GNAQ: variants seen among roughly 807,000 people sequenced by gnomAD.
GNAQ encodes the protein guanine nucleotide-binding protein G(q) subunit alpha.
A neutral mutation model predicts 43.9 loss-of-function variants in GNAQ; 8 were observed. That is an observed-to-expected ratio of 0.18 (90% CI 0.11 to 0.33). The LOEUF is 0.33. GNAQ is among the 10% of genes least tolerant of loss of function. The pLI is 1.00. For synonymous variants in GNAQ, 155 were observed against 170.7 expected (o/e 0.91, Z 0.71); for missense variants, 158 against 450.8 (o/e 0.35, Z 5.88).
chr9:77,785,670 A>T (rs1826465437), intron 5 of GNAQ, among the ~76,000 whole-genome samples: 1 of 152,254 alleles, frequency 6.6e-6, no homozygotes, highest in Non-Finnish European at 1.5e-5. Context: ...TAAAAACAAT[A>T]ACAATACTGT....
At chr9:77,873,206 A>G (rs920896275) in intron 2 of GNAQ, among the ~76,000 whole-genome samples, 7 of 152,248 alleles carry the variant, frequency 4.6e-5, no homozygotes, top group Admixed American at 6.5e-5. Context: ...TACTAGCACA[A>G]TGAAATATCT....
chr9:77,907,013 C>T (rs183162094), intron 2 of GNAQ, among the ~76,000 whole-genome samples: 1 of 152,072 alleles, frequency 6.6e-6, no homozygotes, highest in East Asian at 1.9e-4. Context: ...TTACAATGAA[C>T]ATATTTATCT....
intron 5 of GNAQ, among the ~76,000 whole-genome samples, chr9:77,748,667 T>C (rs1825767094): frequency 6.6e-6 from 1 of 152,228 alleles, no homozygotes; most frequent in Admixed American, 6.5e-5. Context: ...AACCCTTCTT[T>C]GCTGAATTTT....
At chr9:77,912,803 T>C (rs1056345535) in intron 2 of GNAQ, among the ~76,000 whole-genome samples, 1 of 152,094 alleles carries the variant, frequency 6.6e-6, no homozygotes, top group Non-Finnish European at 1.5e-5. Flanking sequence ...ATCAAAGAAA[T>C]GCAAATTCAA....
rs1404583821 is a variant in GNAQ at position 78,031,560 on chromosome 9, G to A, written c.-325C>T. ...CTCAGACGCCCGCGCCTCCTTCCCC[G>A]GGAACAGGCGGCCCGCCTCGCCCCC... On this transcript the variant is annotated 5_prime_UTR_variant, in exon 1 of 7. Coordinates refer to ENST00000286548, the MANE Select transcript of GNAQ (RefSeq NM_002072.5). 2.7e-5 allele frequency: 4 copies of A among 147,856 alleles called. No individual in the cohort carries two copies. Among genetic ancestry groups the A allele is most frequent in the African/African-American group, 1.0e-4 (4 of 40,142 alleles). 9.2% of individuals were successfully genotyped at this position (147,856 alleles called of 1,614,324 possible).
At chr9:77,750,120 A>G (rs1825790435) in intron 5 of GNAQ, among the ~76,000 whole-genome samples, 1 of 152,064 alleles carries the variant, frequency 6.6e-6, no homozygotes, top group Non-Finnish European at 1.5e-5. Context: ...TACATCTTTA[A>G]AAAATATTAT....
intron 1 of GNAQ, among the ~76,000 whole-genome samples, chr9:78,016,433 C>G (rs990961357): frequency 6.6e-6 from 1 of 152,168 alleles, no homozygotes; most frequent in Non-Finnish European, 1.5e-5. Flanking sequence ...CACCTGTAAT[C>G]CCAGCACTTT....
chr9:77,740,898 T>A (rs1377848757), intron 5 of GNAQ, among the ~76,000 whole-genome samples: 1 of 152,176 alleles, frequency 6.6e-6, no homozygotes, highest in Non-Finnish European at 1.5e-5. Context: ...ATATTCCAGT[T>A]TGTTGGCCAC....
chr9:77,757,566 G>T (rs1046158821), intron 5 of GNAQ, among the ~76,000 whole-genome samples: 1 of 152,102 alleles, frequency 6.6e-6, no homozygotes, highest in Non-Finnish European at 1.5e-5. Context: ...ACTGGCTCAG[G>T]TCTCCAATTC....
At chr9:77,973,192 C>T (rs1823259172) in intron 1 of GNAQ, among the ~76,000 whole-genome samples, 1 of 151,962 alleles carries the variant, frequency 6.6e-6, no homozygotes, top group Non-Finnish European at 1.5e-5. Flanking sequence ...AAAAATTATC[C>T]TTTAAGGAAA....
intron 5 of GNAQ, among the ~76,000 whole-genome samples, chr9:77,747,850 A>G (rs1411039984): frequency 6.6e-6 from 1 of 152,232 alleles, no homozygotes; most frequent in Non-Finnish European, 1.5e-5. Flanking sequence ...GGTGCTTCAC[A>G]TGCTACCTCA....
At chr9:77,857,293 T>G (rs971373132) in intron 2 of GNAQ, among the ~76,000 whole-genome samples, 1 of 152,356 alleles carries the variant, frequency 6.6e-6, no homozygotes, top group African/African-American at 2.4e-5. Flanking sequence ...AACAGGCATC[T>G]AGAACTCGAC....
chr9:78,016,614 G>A (rs1419042388), intron 1 of GNAQ, among the ~76,000 whole-genome samples: 3 of 151,942 alleles, frequency 2.0e-5, no homozygotes, highest in East Asian at 3.9e-4. Flanking sequence ...CCCGGGAGGC[G>A]GAGGTTGCAG....
At chr9:77,876,720 T>C (rs12555424) in intron 2 of GNAQ, among the ~76,000 whole-genome samples, 14,421 of 152,174 alleles carry the variant, frequency 0.095, 1,443 homozygotes, top group East Asian at 0.21. Context: ...TGATAAGTAT[T>C]ATTAGGATCC....
chr9:78,002,476 A>T (rs1190941575), intron 1 of GNAQ, among the ~76,000 whole-genome samples: 2 of 152,168 alleles, frequency 1.3e-5, no homozygotes, highest in African/African-American at 4.8e-5. Context: ...CATTAACTTC[A>T]GGGCCCCTCC....
intron 2 of GNAQ, among the ~76,000 whole-genome samples, chr9:77,838,460 C>T (rs891425913): frequency 1.3e-5 from 2 of 151,470 alleles, no homozygotes; most frequent in South Asian, 2.1e-4. Context: ...TAAAGTAAAA[C>T]GTTGTTGCTC....
intron 5 of GNAQ, among the ~76,000 whole-genome samples, chr9:77,770,120 A>C (rs1217006776): frequency 6.6e-6 from 1 of 152,210 alleles, no homozygotes; most frequent in East Asian, 1.9e-4. Flanking sequence ...AGAATTTAGC[A>C]TATGGTCTAG....
intron 5 of GNAQ, among the ~76,000 whole-genome samples, chr9:77,746,225 T>A (rs138563156): frequency 9.8e-4 from 149 of 152,212 alleles, no homozygotes; most frequent in East Asian, 5.0e-3. Context: ...GGATCCTTAC[T>A]CAGAAAGCTA....
chr9:78,023,219 G>C (rs1014001448), intron 1 of GNAQ, among the ~76,000 whole-genome samples: 1 of 152,214 alleles, frequency 6.6e-6, no homozygotes, highest in South Asian at 2.1e-4. Context: ...TTACGGACCA[G>C]AGTAAGTATT....
Sources: gnomAD v4.1 joint callset for allele counts (sites outside exome capture counted in the v4.1 genomes callset) on GRCh38, gnomAD v4.1.1 for gene constraint, MANE v1.5 for transcripts, NCBI Gene and HGNC (gene_info 2026-07-23, HGNC 2026-07-21) for gene names.